ADAMTS7: variants seen among roughly 807,000 people sequenced by gnomAD.
ADAMTS7 encodes the protein ADAM metallopeptidase with thrombospondin type 1 motif 7, also known as A disintegrin and metalloproteinase with thrombospondin motifs 7.
ADAMTS7 carries 89 observed loss-of-function variants against 172.6 expected under a neutral mutation model. That is an observed-to-expected ratio of 0.52 (90% CI 0.43 to 0.61). The LOEUF (loss-of-function observed/expected upper bound fraction) is 0.61, where lower values mean the gene tolerates loss of function less well. Ranked by LOEUF, ADAMTS7 falls within the 20% of genes least tolerant of loss-of-function variation. The pLI is 0.00. For synonymous variants in ADAMTS7, 885 were observed against 978.4 expected, an observed-to-expected ratio of 0.90 and a Z score of 1.78; for missense variants, 1,973 against 2,355.6, an observed-to-expected ratio of 0.84 and a Z score of 3.36.
Position 78,800,402 on chromosome 15 carries a change from G to C in ADAMTS7, c.246C>G (p.Tyr82Ter). The C allele has an allele frequency of 6.2e-7, 1 of 1,608,844 alleles. No homozygotes were observed. Among genetic ancestry groups the C allele is most frequent in the Non-Finnish European group, 8.5e-7 (1 of 1,177,988 alleles). ...VSVRRDAPAF[Y>*]ELQYRGRELR... ...GCTCGCGCCCGCGGTATTGTAGCTC[G>C]TAGAAGGCGGGCGCGTCTCGGCGCA... The change falls in exon 2 of 24, where the codon TAC becomes TAG. Residue 82 changes from tyrosine (Y) to a stop codon, truncating the protein, a stop_gained. Coordinates refer to ENST00000388820, the MANE Select transcript of ADAMTS7 (RefSeq NM_014272.5). LOFTEE classifies it high-confidence loss of function.
intron 10 of ADAMTS7, 24 bp downstream of exon 10, chr15:78,776,725 G>T: frequency 6.5e-7 from 1 of 1,540,528 alleles, no homozygotes; most frequent in Non-Finnish European, 8.8e-7. Flanking sequence ...CACACCCACT[G>T]CCGGGACTGG....
intron 1 of ADAMTS7, among the ~76,000 whole-genome samples, chr15:78,804,839 A>G (rs532431846): frequency 6.6e-6 from 1 of 152,310 alleles, no homozygotes; most frequent in East Asian, 1.9e-4. Context: ...TCTTAAAAAA[A>G]AATTCCCAGG....
intron 5 of ADAMTS7, 33 bp from the exon 6 acceptor site, chr15:78,790,827 C>T: frequency 1.9e-6 from 3 of 1,610,282 alleles, no homozygotes; most frequent in South Asian, 2.2e-5. Flanking sequence ...CTCATGCCTC[C>T]CCTGAGTTCC....
rs2055158818 is a variant in ADAMTS7 at position 78,766,643 on chromosome 15, C to A, written c.3268G>T (p.Gly1090Trp). The stretch of plus-strand genomic sequence containing the variant: ...GGTGGGGGTGTCCGGTCCCCTGTCC[C>A]CGCCAGGTCTAGATCGGGCTCCTCA... Reference protein sequence around the residue: ...PSEEPDLDLAGTGDRTPPPHS... With the variant: ...PSEEPDLDLAWTGDRTPPPHS... Residue 1090 changes from glycine to tryptophan, a missense_variant, in exon 19 of 24, where the codon GGG (glycine) becomes TGG (tryptophan). By Grantham distance (184) the Gly-to-Trp change is radical (BLOSUM62 -2). This residue lies in a region of ADAMTS7 where 771 missense variants were observed against 952.6 expected (regional missense o/e 0.81). Coordinates refer to ENST00000388820, the MANE Select transcript of ADAMTS7 (RefSeq NM_014272.5). The A allele has an allele frequency of 1.2e-6, 2 of 1,610,184 alleles. No individual in the cohort carries two copies. The highest frequency in any genetic ancestry group is 1.7e-5 in the Admixed American group (1 of 59,904).
At chr15:78,776,708 C>A in intron 10 of ADAMTS7, 41 bp downstream of exon 10, 2 of 1,505,490 alleles carry the variant, frequency 1.3e-6, no homozygotes, top group Non-Finnish European at 1.8e-6. Context: ...GGAAGTCTGG[C>A]CTCTCACACA....
In ADAMTS7 at chr15:78,759,416, C is replaced by A. The variant is rs192842709; in HGVS notation, c.*5G>T. The A allele has an allele frequency of 8.8e-6, 14 of 1,590,220 alleles. No homozygotes were observed. The highest frequency in any genetic ancestry group is 1.1e-5 in the Non-Finnish European group (13 of 1,174,412). On this transcript the variant is annotated 3_prime_UTR_variant, in exon 24 of 24. Coordinates refer to ENST00000388820, the MANE Select transcript of ADAMTS7 (RefSeq NM_014272.5). Reference sequence around the variant, plus strand: ...CTGTCGGTCGGTCTGTGCATCCTGGCGCAGTCAGCGGCGGGCAACCCGCTG... The same window carrying A: ...CTGTCGGTCGGTCTGTGCATCCTGGAGCAGTCAGCGGCGGGCAACCCGCTG...
At chr15:78,789,366 A>G (rs1362719906) in intron 7 of ADAMTS7, among the ~76,000 whole-genome samples, 1 of 152,240 alleles carries the variant, frequency 6.6e-6, no homozygotes. Context: ...GATCGAGAGT[A>G]AAAAATACAG....
At position 78,797,952 on chromosome 15, in the gene ADAMTS7, C is replaced by A; in HGVS notation, c.618G>T (p.Val206=). The change falls in exon 3 of 24, where the codon GTG becomes GTT. Residue 206 remains valine, a synonymous_variant. Transcript: ENST00000388820. ...ACTGGGAGCAGAAGAGCATACCTTG[C>A]ACTCCACAGGTGCTTGGAGCACTGG... ...GDSSAPSTCG[V]QVYPELESRR... 1 of 1,600,200 alleles carries A rather than the reference C, an allele frequency of 6.2e-7. No homozygotes were observed. The highest frequency in any genetic ancestry group is 8.5e-7 in the Non-Finnish European group (1 of 1,175,028).
chr15:78,779,064 G>A (rs2004038), intron 8 of ADAMTS7, among the ~76,000 whole-genome samples: 50,780 of 151,888 alleles, frequency 0.33, 9,037 homozygotes, highest in Middle Eastern at 0.42. Flanking sequence ...TAAATCCCCC[G>A]ACCAGTGACA....
chr15:78,810,263 G>T (rs556020962), intron 1 of ADAMTS7, among the ~76,000 whole-genome samples: 116 of 152,298 alleles, frequency 7.6e-4, no homozygotes, highest in Admixed American at 7.5e-3. Context: ...AAAGCCTGCC[G>T]GTCGGCTCTA....
Position 78,798,066 on chromosome 15 carries a change from C to T in ADAMTS7, c.504G>A (p.Leu168=), listed in dbSNP as rs765733205. 1.3e-6 allele frequency: 2 copies of T among 1,567,812 alleles called. No homozygotes were observed. The highest frequency in any genetic ancestry group is 1.2e-5 in the South Asian group (1 of 84,402). ...GGCCAGGCCGGGCCGGGGCACTGTC[C>T]AGGGGCTCAATGAAGTAGTCCTCGT... ...LSNEDYFIEP[L]DSAPARPGHA... is the part of the protein sequence containing the mutation. The change falls in exon 3 of 24, where the codon CTG becomes CTA. Residue 168 remains leucine (L), a synonymous_variant. Transcript: ENST00000388820.
At chr15:78,790,992 T>C (rs1328567230) in intron 5 of ADAMTS7, 148 bp downstream of exon 5, 3 of 1,220,814 alleles carry the variant, frequency 2.5e-6, no homozygotes, top group Non-Finnish European at 3.4e-6. Flanking sequence ...AGAGGGTCAG[T>C]CAGGAACCAG....
rs776820598 is a variant in ADAMTS7 at position 78,766,145 on chromosome 15, C to G, written c.3766G>C (p.Asp1256His). 1.9e-6 allele frequency: 3 copies of G among 1,611,368 alleles called. No homozygotes were observed. The highest frequency in any genetic ancestry group is 2.5e-6 in the Non-Finnish European group (3 of 1,179,638). The change falls in exon 19 of 24, where the codon GAC becomes CAC. Residue 1256 changes from aspartate (D) to histidine (H), a missense_variant. Physicochemically the swap from Asp to His is moderately conservative, Grantham distance 81. Coordinates refer to ENST00000388820, the MANE Select transcript of ADAMTS7 (RefSeq NM_014272.5). ...CCTCCTGTCCACAGCTCCGCCACGT[C>G]AGGACTAGGAGAGGAGTGGGTGCTG... ...VGSTHSSPSP[D>H]VAELWTGGTV...
intron 1 of ADAMTS7, 57 bp from the exon 2 acceptor site, chr15:78,800,604 T>A: frequency 6.6e-7 from 1 of 1,523,606 alleles, no homozygotes; most frequent in Non-Finnish European, 8.9e-7. Flanking sequence ...TCCTTGCTGG[T>A]GGCCGGGGAC....
In ADAMTS7 at chr15:78,766,238, T is replaced by G; in HGVS notation, c.3673A>C (p.Lys1225Gln). 1 of 1,611,728 alleles carries G rather than the reference T, an allele frequency of 6.2e-7. No individual in the cohort carries two copies. The highest frequency in any genetic ancestry group is 2.2e-5 in the East Asian group (1 of 44,854). The change falls in exon 19 of 24, where the codon AAG becomes CAG. Residue 1225 changes from lysine to glutamine, a missense_variant. By Grantham distance (53) the Lys-to-Gln change is moderately conservative (BLOSUM62 1). Transcript: ENST00000388820. ...NEVFKDDEEPKGRGAPHLPPR... is the reference protein window; with the variant it reads ...NEVFKDDEEPQGRGAPHLPPR... ...GGCAGGTGGGGTGCTCCTCGGCCCTTGGGTTCCTCATCATCCTTGAAAACC... is the reference window on the plus strand; with the variant it reads ...GGCAGGTGGGGTGCTCCTCGGCCCTGGGGTTCCTCATCATCCTTGAAAACC...
chr15:78,783,126 C>G (rs1450829662), intron 8 of ADAMTS7, among the ~76,000 whole-genome samples: 31 of 152,152 alleles, frequency 2.0e-4, no homozygotes, highest in Admixed American at 1.5e-3. Context: ...ACCTCAGATA[C>G]TGAAATTAGA....
chr15:78,809,533 G>A (rs1420664597), intron 1 of ADAMTS7, among the ~76,000 whole-genome samples: 1 of 152,208 alleles, frequency 6.6e-6, no homozygotes, highest in African/African-American at 2.4e-5. Context: ...CGGCCTGGCA[G>A]ATTAATAAAA....
chr15:78,762,433 T>G lies in ADAMTS7; in HGVS notation c.4873A>C (p.Thr1625Pro). 3.9e-6 allele frequency: 6 copies of G among 1,534,912 alleles called. No individual in the cohort carries two copies. Among genetic ancestry groups the G allele is most frequent in the Non-Finnish European group, 5.3e-6 (6 of 1,141,002 alleles). ...AWPESSRPCG[T>P]EDCEPVEPPR... is the part of the protein sequence containing the mutation. ...GGCTCGACGGGCTCACAATCCTCGGTGCCACACGGCCGGGAGCTCTCAGGC... is the reference window on the plus strand; with the variant it reads ...GGCTCGACGGGCTCACAATCCTCGGGGCCACACGGCCGGGAGCTCTCAGGC... Residue 1625 changes from threonine to proline, a missense_variant, in exon 23 of 24, where the codon ACC (threonine) becomes CCC (proline). Physicochemically the swap from Thr to Pro is conservative, Grantham distance 38 (BLOSUM62 -1). Transcript: ENST00000388820.
At chr15:78,809,260 C>G (rs756954209) in intron 1 of ADAMTS7, among the ~76,000 whole-genome samples, 12 of 152,086 alleles carry the variant, frequency 7.9e-5, no homozygotes, top group Non-Finnish European at 1.5e-4. Context: ...GCCCTTTGGT[C>G]TTAAAGAAGG....
Sources: gnomAD v4.1 joint callset for allele counts (sites outside exome capture counted in the v4.1 genomes callset) on GRCh38, gnomAD v4.1.1 for gene constraint, gnomAD v4.1.1 regional missense constraint, MANE v1.5 for transcripts, NCBI Gene and HGNC (gene_info 2026-07-23, HGNC 2026-07-21) for gene names.